DHRS9: variants seen among roughly 807,000 people sequenced by gnomAD.
The protein encoded by DHRS9 is dehydrogenase/reductase SDR family member 9.
DHRS9 carries 18 observed loss-of-function variants against 26.6 expected under a neutral mutation model. The ratio of observed to expected loss-of-function variants is 0.68; its 90% CI spans 0.47 to 1.00. DHRS9 has a LOEUF of 1.00. Ranked by LOEUF, DHRS9 falls within the 50% of genes least tolerant of loss-of-function variation. The pLI, the probability that DHRS9 is intolerant of heterozygous loss-of-function variation, is 0.00. For synonymous variants in DHRS9, 134 were observed against 141.1 expected, an observed-to-expected ratio of 0.95 and a Z score of 0.36; for missense variants, 425 against 378.7, an observed-to-expected ratio of 1.12 and a Z score of -1.01.
At chr2:169,088,963 G>T (rs1381779455) in intron 3 of DHRS9, among the ~76,000 whole-genome samples, 1 of 152,184 alleles carries the variant, frequency 6.6e-6, no homozygotes. Flanking sequence ...TTCATTCCGT[G>T]GGAGAGACTG....
chr2:169,081,618 G>T lies in DHRS9; in HGVS notation c.37G>T (p.Gly13Cys). Residue 13 changes from glycine (G) to cysteine (C), a missense_variant, in exon 2 of 5, where the codon GGT becomes TGT. Gly to Cys is a radical substitution (Grantham distance 159, BLOSUM62 -3). Coordinates refer to ENST00000674881, the MANE Select transcript of DHRS9 (RefSeq NM_001376924.1). ...FWVLGLLILC[G>C]FLWTRKGKLK... ...GGTGCTAGGCCTCCTAATCCTCTGT[G>T]GTTTTCTGTGGACTCGTAAAGGAAA... 6.2e-7 allele frequency: 1 copy of T among 1,614,034 alleles called. No homozygotes were observed. Among genetic ancestry groups the T allele is most frequent in the Non-Finnish European group, 8.5e-7 (1 of 1,180,006 alleles).
At chr2:169,082,707 T>A (rs1387966388) in intron 2 of DHRS9, among the ~76,000 whole-genome samples, 2 of 152,094 alleles carry the variant, frequency 1.3e-5, no homozygotes, top group Non-Finnish European at 2.9e-5. Flanking sequence ...AAAATAAATG[T>A]GAAGTAGATT....
chr2:169,087,087 G>A (rs1198455172), intron 3 of DHRS9, among the ~76,000 whole-genome samples: 1 of 152,180 alleles, frequency 6.6e-6, no homozygotes, highest in Admixed American at 6.5e-5. Flanking sequence ...CTACCCTTGG[G>A]TGAGGTGTCC....
intron 4 of DHRS9, among the ~76,000 whole-genome samples, chr2:169,092,259 C>G (rs991428216): frequency 3.3e-5 from 5 of 152,204 alleles, no homozygotes; most frequent in African/African-American, 1.2e-4. Context: ...CAAGATTACA[C>G]AACACCTCCT....
upstream of DHRS9, among the ~76,000 whole-genome samples, chr2:169,068,088 C>CA (rs1302400620): frequency 1.3e-5 from 2 of 152,312 alleles, no homozygotes; most frequent in African/African-American, 4.8e-5. Context: ...TTTCAGTTAA[C>CA]ACTGCATGAC....
chr2:169,076,171 C>T (rs1341029229), intron 1 of DHRS9, among the ~76,000 whole-genome samples: 3 of 152,098 alleles, frequency 2.0e-5, no homozygotes, highest in Admixed American at 2.0e-4. Context: ...GATTGATTTA[C>T]TTCAGAATGG....
At chr2:169,078,405 A>C (rs927310879) in intron 1 of DHRS9, among the ~76,000 whole-genome samples, 1 of 152,216 alleles carries the variant, frequency 6.6e-6, no homozygotes, top group Non-Finnish European at 1.5e-5. Flanking sequence ...TTTAGACTGC[A>C]ATGAAAGCTG....
chr2:169,071,412 C>T (rs769287841), intron 1 of DHRS9, among the ~76,000 whole-genome samples: 2 of 152,134 alleles, frequency 1.3e-5, no homozygotes, highest in Non-Finnish European at 1.5e-5. Context: ...ATAATTTAAA[C>T]GTTTTGAAGG....
intron 3 of DHRS9, among the ~76,000 whole-genome samples, chr2:169,089,814 T>C (rs1266458005): frequency 6.6e-6 from 1 of 152,174 alleles, no homozygotes; most frequent in East Asian, 1.9e-4. Flanking sequence ...TTTGATTAAG[T>C]GGATCTGGAG....
upstream of DHRS9, among the ~76,000 whole-genome samples, chr2:169,068,770 C>T (rs532766071): frequency 1.3e-5 from 2 of 152,256 alleles, no homozygotes; most frequent in South Asian, 4.1e-4. Flanking sequence ...TAGCAACAAA[C>T]TGGTATACGA....
rs760296968 is a variant in DHRS9 at position 169,095,533 on chromosome 2, T to C, written c.737-11T>C. The C allele has an allele frequency of 6.2e-7, 1 of 1,608,016 alleles. No individual in the cohort carries two copies. Among genetic ancestry groups the C allele is most frequent in the Admixed American group, 1.7e-5 (1 of 59,988 alleles). ...CTACCAAAGAGTAAATGTACTTTTG[T>C]CTCTTTTTAGGTCTAGACAAACTGA... On this transcript the variant is annotated splice_polypyrimidine_tract_variant and intron_variant, in intron 4 of 4. Transcript: ENST00000674881.
chr2:169,086,423 C>G (rs1430977131), intron 3 of DHRS9, among the ~76,000 whole-genome samples: 1 of 152,056 alleles, frequency 6.6e-6, no homozygotes, highest in African/African-American at 2.4e-5. Flanking sequence ...TTCCTCAAAA[C>G]AGCTATTTTG....
At chr2:169,084,329 T>A (rs562708455) in intron 3 of DHRS9, among the ~76,000 whole-genome samples, 47 of 152,204 alleles carry the variant, frequency 3.1e-4, no homozygotes, top group African/African-American at 1.1e-3. Context: ...TTGATATGTT[T>A]ATTTCCTTTC....
At position 169,074,331 on chromosome 2, in the gene DHRS9, G is replaced by T. The variant is rs532564442; in HGVS notation, c.-60+4614G>T. The T allele has an allele frequency of 1.4e-3, 1,356 of 985,332 alleles. 1 individual carries two copies. The highest frequency in any genetic ancestry group is 1.5e-3 in the Non-Finnish European group (1,270 of 829,956). The allele number at this position is 985,332 out of a possible 1,614,324, so 61.0% of individuals were successfully genotyped here. The stretch of plus-strand genomic sequence containing the variant: ...ATAGTGAAACTGGGATGGAACCTCT[G>T]CCTGCTTGCTTCTGAGGTCTGGGCT... On this transcript the variant is annotated intron_variant, in intron 1 of 4. Coordinates refer to ENST00000674881, the MANE Select transcript of DHRS9 (RefSeq NM_001376924.1).
chr2:169,070,630 G>A (rs2105276454), intron 1 of DHRS9: 1 of 984,462 alleles, frequency 1.0e-6, no homozygotes, highest in African/African-American at 1.7e-5. Context: ...TATTCAAAGA[G>A]GGTGCTCAGA....
Position 169,091,938 on chromosome 2 carries a change from G to T in DHRS9, c.721G>T (p.Gly241Cys). ...AGACATCAAACAACAATATGGAGAA[G>T]GTTACATTGAAAAAAGTGAGTTTCC... Reference protein sequence around the residue: ...SPDIKQQYGEGYIEKSLDKLK... With the variant: ...SPDIKQQYGECYIEKSLDKLK... Residue 241 changes from glycine (G) to cysteine (C), a missense_variant, in exon 4 of 5, where the codon GGT becomes TGT. Physicochemically the swap from Gly to Cys is radical, Grantham distance 159. Coordinates refer to ENST00000674881, the MANE Select transcript of DHRS9 (RefSeq NM_001376924.1). The T allele has an allele frequency of 6.2e-7, 1 of 1,613,724 alleles. No individual in the cohort carries two copies. Among genetic ancestry groups the T allele is most frequent in the Non-Finnish European group, 8.5e-7 (1 of 1,179,896 alleles).
intron 1 of DHRS9, chr2:169,070,009 C>A (rs2105275831): frequency 1.2e-6 from 1 of 824,856 alleles, no homozygotes; most frequent in Non-Finnish European, 1.5e-6. Flanking sequence ...TTTCTCTGTG[C>A]CTTCTTGACA....
chr2:169,074,861 C>T (rs1232246471), intron 1 of DHRS9, among the ~76,000 whole-genome samples: 2 of 152,158 alleles, frequency 1.3e-5, no homozygotes, highest in East Asian at 3.9e-4. Flanking sequence ...CTAAATGACC[C>T]TCAGTCCAGA....
chr2:169,091,174 C>T (rs1684509732), intron 3 of DHRS9, among the ~76,000 whole-genome samples: 1 of 151,510 alleles, frequency 6.6e-6, no homozygotes, highest in Middle Eastern at 3.4e-3. Flanking sequence ...TCCTGTAAAA[C>T]CTTGATGCCT....
Sources: gnomAD v4.1 joint callset for allele counts (sites outside exome capture counted in the v4.1 genomes callset) on GRCh38, gnomAD v4.1.1 for gene constraint, MANE v1.5 for transcripts, NCBI Gene and HGNC (gene_info 2026-07-23, HGNC 2026-07-21) for gene names.